SNX29: variants seen among roughly 807,000 people sequenced by gnomAD.
SNX29 encodes sorting nexin-29.
In SNX29, 78 loss-of-function variants were observed where a neutral mutation model predicts 102.1. The observed-to-expected ratio is 0.76, with a 90% confidence interval of 0.64 to 0.92. The LOEUF (loss-of-function observed/expected upper bound fraction) is 0.92. Among genes scored for constraint, SNX29 ranks in the 40% least tolerant of loss-of-function variants. SNX29 has a pLI of 0.00. For synonymous variants in SNX29, 580 were observed against 414.5 expected (o/e 1.40, Z -4.85); for missense variants, 1,280 against 1,061.7 (o/e 1.21, Z -2.86).
chr16:12,536,053 C>G (rs925931549), intron 20 of SNX29, among the ~76,000 whole-genome samples: 2 of 152,022 alleles, frequency 1.3e-5, no homozygotes, highest in African/African-American at 4.8e-5. Context: ...TGAGCTGAGC[C>G]CTTTGTCTTC....
At chr16:12,554,120 G>A (rs773866634) in intron 20 of SNX29, among the ~76,000 whole-genome samples, 4 of 152,214 alleles carry the variant, frequency 2.6e-5, no homozygotes, top group Non-Finnish European at 4.4e-5. Context: ...AAGCCACCAT[G>A]CCCAGCCTGG....
chr16:12,335,516 CATTAAAAAA>C (rs2081420074), intron 15 of SNX29, among the ~76,000 whole-genome samples: 1 of 152,062 alleles, frequency 6.6e-6, no homozygotes, highest in Non-Finnish European at 1.5e-5. Flanking sequence ...CTCTACAAAA[CATTAAAAAA>C]ATTAGCTGGG....
intron 16 of SNX29, among the ~76,000 whole-genome samples, chr16:12,378,359 A>G (rs1388239030): frequency 1.3e-5 from 2 of 152,154 alleles, no homozygotes; most frequent in South Asian, 4.1e-4. Flanking sequence ...TCTTGGAGAA[A>G]TAAATAGAGG....
intron 14 of SNX29, among the ~76,000 whole-genome samples, chr16:12,265,445 C>G (rs79992595): frequency 6.6e-5 from 10 of 152,064 alleles, no homozygotes; most frequent in Middle Eastern, 3.2e-3. Flanking sequence ...GGAAGCGAGA[C>G]GCAGCTTCGA....
chr16:12,336,805 G>T (rs954732825), intron 15 of SNX29, among the ~76,000 whole-genome samples: 1 of 152,162 alleles, frequency 6.6e-6, no homozygotes, highest in East Asian at 1.9e-4. Context: ...AATTAGCCAG[G>T]TGTGGTGATG....
intron 18 of SNX29, among the ~76,000 whole-genome samples, chr16:12,427,189 G>T (rs368577683): frequency 6.6e-6 from 1 of 152,118 alleles, no homozygotes; most frequent in Non-Finnish European, 1.5e-5. Flanking sequence ...ACTCAAGGTG[G>T]TTTCTTCTCG....
intron 8 of SNX29, among the ~76,000 whole-genome samples, chr16:12,058,406 A>C (rs1303444110): frequency 1.3e-5 from 2 of 150,114 alleles, no homozygotes; most frequent in Non-Finnish European, 3.0e-5. Flanking sequence ...CCAGATACTG[A>C]GGCAGTGTCA....
intron 20 of SNX29, among the ~76,000 whole-genome samples, chr16:12,539,999 C>G (rs747610244): frequency 1.3e-5 from 2 of 152,024 alleles, no homozygotes; most frequent in Non-Finnish European, 2.9e-5. Flanking sequence ...AGCTTCTTTT[C>G]AGTGTCTTTT....
chr16:12,188,831 C>T (rs1297470276), intron 13 of SNX29, among the ~76,000 whole-genome samples: 1 of 152,180 alleles, frequency 6.6e-6, no homozygotes, highest in African/African-American at 2.4e-5. Flanking sequence ...TGCAGACATC[C>T]TGGAATTTGA....
chr16:12,559,261 C>G (rs940875710), intron 20 of SNX29, among the ~76,000 whole-genome samples: 4 of 152,076 alleles, frequency 2.6e-5, no homozygotes, highest in African/African-American at 9.7e-5. Context: ...CTGAGCTCTG[C>G]CTGTCAGATC....
At chr16:12,547,540 C>CAG (rs1567169850) in intron 20 of SNX29, among the ~76,000 whole-genome samples, 1 of 152,084 alleles carries the variant, frequency 6.6e-6, no homozygotes. Context: ...ACTGGAAGAA[C>CAG]AGAGTCCTGA....
At chr16:12,384,130 A>G (rs2083271456) in intron 16 of SNX29, among the ~76,000 whole-genome samples, 2 of 152,206 alleles carry the variant, frequency 1.3e-5, no homozygotes, top group Non-Finnish European at 2.9e-5. Context: ...GTTGGTGGAC[A>G]TTTAGGTTGC....
At chr16:12,555,521 G>T (rs546210676) in intron 20 of SNX29, among the ~76,000 whole-genome samples, 2 of 151,344 alleles carry the variant, frequency 1.3e-5, no homozygotes, top group Admixed American at 6.6e-5. Flanking sequence ...ACTGGACAGC[G>T]CCCCTGCTCT....
At chr16:12,566,395 G>A (rs141231992) in intron 20 of SNX29, among the ~76,000 whole-genome samples, 32 of 142,248 alleles carry the variant, frequency 2.2e-4, no homozygotes, top group African/African-American at 8.3e-4. Context: ...GCCTCTCCCA[G>A]GCACTCTCAG....
chr16:12,428,708 AAT>A (rs1456932889), intron 18 of SNX29, among the ~76,000 whole-genome samples: 2 of 152,228 alleles, frequency 1.3e-5, no homozygotes, highest in Admixed American at 6.5e-5. Context: ...GATTGCAATT[AAT>A]ATCTCTTTCT....
chr16:12,468,484 G>T (rs986442915), intron 18 of SNX29, among the ~76,000 whole-genome samples: 1 of 152,166 alleles, frequency 6.6e-6, no homozygotes, highest in Non-Finnish European at 1.5e-5. Flanking sequence ...TATTTTGGTT[G>T]CAGATCAAAC....
Position 12,524,851 on chromosome 16 carries a change from G to T in SNX29, c.2318+10G>T. 1 of 1,609,280 alleles carries T rather than the reference G, an allele frequency of 6.2e-7. No individual in the cohort carries two copies. Among genetic ancestry groups the T allele is most frequent in the Non-Finnish European group, 8.5e-7 (1 of 1,177,344 alleles). ...TGATGCCCTTCTTCGTGTAAGTACTGCTCCCACGGACATGGGCCGCCAGCC... is the reference window on the plus strand; with the variant it reads ...TGATGCCCTTCTTCGTGTAAGTACTTCTCCCACGGACATGGGCCGCCAGCC... On this transcript the variant is annotated intron_variant, in intron 20 of 20. Transcript: ENST00000566228.
intron 14 of SNX29, among the ~76,000 whole-genome samples, chr16:12,242,564 C>CTCTTTTCTTCTTCTTTTCTTCT (rs1307069071): frequency 3.4e-5 from 5 of 145,394 alleles, no homozygotes; most frequent in African/African-American, 1.3e-4. Context: ...ATTTGGCCGG[C>CTCTTTTCTTCTTCTTTTCTTCT]TCTTTTCTTC....
In SNX29 at chr16:12,539,222, T is replaced by C. The variant is rs112160258; in HGVS notation, c.2318+14381T>C. 7.8e-4 allele frequency among the ~76,000 whole-genome samples: 119 copies of C among 152,320 alleles called. 1 individual carries two copies. In the Middle Eastern group the frequency reaches 0.01, roughly 13 times the overall value. ...AGTAACCACCATCACCGTCAAGATA[T>C]AGACCAGTTCCTTCACCCTAAAAAG... On this transcript the variant is annotated intron_variant, in intron 20 of 20. Transcript: ENST00000566228.
Sources: gnomAD v4.1 joint callset for allele counts (sites outside exome capture counted in the v4.1 genomes callset) on GRCh38, gnomAD v4.1.1 for gene constraint, MANE v1.5 for transcripts, NCBI Gene and HGNC (gene_info 2026-07-23, HGNC 2026-07-21) for gene names.